Variants in ZNF827 observed in about 807,000 individuals in gnomAD.
ZNF827 encodes the protein zinc finger protein 827.
A neutral mutation model predicts 102.4 loss-of-function variants in ZNF827; 13 were observed. The ratio of observed to expected loss-of-function variants is 0.13; its 90% CI spans 0.08 to 0.20. The LOEUF (loss-of-function observed/expected upper bound fraction) is 0.20, where lower values mean the gene tolerates loss of function less well. ZNF827 is among the 10% of genes least tolerant of loss of function. The pLI, the probability that ZNF827 is intolerant of heterozygous loss-of-function variation, is 1.00. For synonymous variants in ZNF827, 523 were observed against 536.2 expected (o/e 0.98, Z 0.34); for missense variants, 1,103 against 1,344.4 (o/e 0.82, Z 2.81).
At chr4:145,936,543 G>A (rs1754186351) in intron 1 of ZNF827, among the ~76,000 whole-genome samples, 1 of 152,144 alleles carries the variant, frequency 6.6e-6, no homozygotes, top group Non-Finnish European at 1.5e-5. Flanking sequence ...TGTTTGCGGA[G>A]CGGACTGCTT....
intron 8 of ZNF827, among the ~76,000 whole-genome samples, chr4:145,815,393 A>G (rs984101726): frequency 2.0e-5 from 3 of 152,234 alleles, no homozygotes; most frequent in African/African-American, 7.2e-5. Flanking sequence ...AGAGAATAGC[A>G]GAAAATGAAA....
At chr4:145,858,729 A>G (rs1747421351) in intron 5 of ZNF827, among the ~76,000 whole-genome samples, 1 of 152,146 alleles carries the variant, frequency 6.6e-6, no homozygotes, top group Admixed American at 6.5e-5. Flanking sequence ...AAAATTACCA[A>G]AAAGCAAAGG....
At chr4:145,869,669 C>T (rs28588718) in intron 5 of ZNF827, among the ~76,000 whole-genome samples, 5,766 of 152,198 alleles carry the variant, frequency 0.038, 132 homozygotes, top group African/African-American at 0.057. Context: ...ACATTTAATA[C>T]GCTGAGATTA....
At chr4:145,900,740 C>T (rs956149955) in intron 2 of ZNF827, among the ~76,000 whole-genome samples, 2 of 152,118 alleles carry the variant, frequency 1.3e-5, no homozygotes, top group Non-Finnish European at 2.9e-5. Context: ...AGCCATACCT[C>T]TCTTTCTACT....
intron 8 of ZNF827, among the ~76,000 whole-genome samples, chr4:145,802,566 C>T (rs1741014556): frequency 1.3e-5 from 2 of 152,218 alleles, no homozygotes; most frequent in Admixed American, 1.3e-4. Flanking sequence ...GGACTCCAGG[C>T]TTTCTTACTA....
chr4:145,821,293 A>G (rs2126478269), intron 8 of ZNF827, among the ~76,000 whole-genome samples: 1 of 152,350 alleles, frequency 6.6e-6, no homozygotes, highest in Non-Finnish European at 1.5e-5. Context: ...TAAGAGATTG[A>G]GAATGTATAG....
intron 9 of ZNF827, among the ~76,000 whole-genome samples, chr4:145,778,413 C>T (rs6813211): frequency 0.011 from 1,713 of 152,252 alleles, 42 homozygotes; most frequent in African/African-American, 0.04. Flanking sequence ...GGATTATAGG[C>T]GTGAGCCATC....
chr4:145,937,389 G>A (rs1754269106), intron 1 of ZNF827, among the ~76,000 whole-genome samples: 1 of 151,984 alleles, frequency 6.6e-6, no homozygotes, highest in Admixed American at 6.5e-5. Flanking sequence ...GCCCGGCTCC[G>A]TCTGCTCCGA....
intron 3 of ZNF827, among the ~76,000 whole-genome samples, chr4:145,887,275 T>C (rs1443664802): frequency 6.6e-6 from 1 of 152,120 alleles, no homozygotes; most frequent in Non-Finnish European, 1.5e-5. Flanking sequence ...TAAAGGCTCA[T>C]GCGTTAATCC....
Position 145,899,090 on chromosome 4 carries a change from T to C in ZNF827, c.1093+3076A>G, listed in dbSNP as rs77732493. Among the ~76,000 whole-genome samples, 318 of 152,312 alleles carry C rather than the reference T, an allele frequency of 2.1e-3. 10 individuals are homozygous for C. In the East Asian group the frequency reaches 0.056, roughly 27 times the overall value. On this transcript the variant is annotated intron_variant, in intron 2 of 14. Coordinates refer to ENST00000508784, the MANE Select transcript of ZNF827 (RefSeq NM_001306215.2). ...ACTTAAGTCATTAGGCAACAGAAACTCTTTTCCCTGCTGTGAGAGGCCAAT... is the reference window on the plus strand; with the variant it reads ...ACTTAAGTCATTAGGCAACAGAAACCCTTTTCCCTGCTGTGAGAGGCCAAT...
chr4:145,796,623 CTTTTTTTTTTTT>C (rs34553120), intron 8 of ZNF827, among the ~76,000 whole-genome samples: 2 of 113,926 alleles, frequency 1.8e-5, no homozygotes, highest in African/African-American at 7.3e-5. Flanking sequence ...ATTTGTTCCT[CTTTTTTTTTTTT>C]TTTTTTTTTT....
At chr4:145,922,510 A>C (rs1343470042) in intron 1 of ZNF827, among the ~76,000 whole-genome samples, 1 of 152,178 alleles carries the variant, frequency 6.6e-6, no homozygotes, top group Non-Finnish European at 1.5e-5. Context: ...CAAAAACAAA[A>C]CCAAGGAGAA....
At chr4:145,767,308 G>C (rs1735448494) in intron 11 of ZNF827, among the ~76,000 whole-genome samples, 1 of 152,182 alleles carries the variant, frequency 6.6e-6, no homozygotes, top group Non-Finnish European at 1.5e-5. Flanking sequence ...GAGTAAACCT[G>C]AAGATAATAG....
intron 8 of ZNF827, among the ~76,000 whole-genome samples, chr4:145,783,233 C>G (rs1006117965): frequency 6.6e-6 from 1 of 152,054 alleles, no homozygotes; most frequent in Non-Finnish European, 1.5e-5. Context: ...ATAAGAGGTG[C>G]TTAGTATATA....
Position 145,773,297 on chromosome 4 carries a change from A to G in ZNF827, c.2860+1209T>C, listed in dbSNP as rs375496688. Among the ~76,000 whole-genome samples, 129 of 152,324 alleles carry G rather than the reference A, an allele frequency of 8.5e-4. 2 individuals carry two copies. The highest frequency in any genetic ancestry group is 3.0e-3 in the African/African-American group (123 of 41,558). ...TAAAAATGGCACCTTCTCACTTGGCATAACGGCTCTCTGCAGACCTCCAAG... is the reference window on the plus strand; with the variant it reads ...TAAAAATGGCACCTTCTCACTTGGCGTAACGGCTCTCTGCAGACCTCCAAG... On this transcript the variant is annotated intron_variant, in intron 11 of 14. Transcript: ENST00000508784.
chr4:145,931,845 T>C (rs1222766808), intron 1 of ZNF827, among the ~76,000 whole-genome samples: 1 of 152,206 alleles, frequency 6.6e-6, no homozygotes, highest in Non-Finnish European at 1.5e-5. Context: ...GAAACAGGTA[T>C]AGCAATGTGG....
At chr4:145,802,409 A>G (rs1740997975) in intron 8 of ZNF827, among the ~76,000 whole-genome samples, 1 of 152,214 alleles carries the variant, frequency 6.6e-6, no homozygotes, top group African/African-American at 2.4e-5. Flanking sequence ...GAACAATCCA[A>G]TCATCTCAAT....
chr4:145,888,081 G>T (rs1313505135), intron 3 of ZNF827, among the ~76,000 whole-genome samples: 2 of 152,198 alleles, frequency 1.3e-5, no homozygotes, highest in African/African-American at 2.4e-5. Flanking sequence ...TGTATTTTAT[G>T]TGACTTCTTT....
intron 7 of ZNF827, among the ~76,000 whole-genome samples, chr4:145,844,827 T>C (rs1745778776): frequency 6.6e-6 from 1 of 152,260 alleles, no homozygotes; most frequent in South Asian, 2.1e-4. Flanking sequence ...TTTTAAAACC[T>C]CAGGTTGAAG....
Sources: gnomAD v4.1 joint callset for allele counts (sites outside exome capture counted in the v4.1 genomes callset) on GRCh38, gnomAD v4.1.1 for gene constraint, MANE v1.5 for transcripts, NCBI Gene and HGNC (gene_info 2026-07-23, HGNC 2026-07-21) for gene names.